Variants in HERC3 observed in about 807,000 individuals in gnomAD.
HERC3 encodes the protein HECT and RLD domain containing E3 ubiquitin protein ligase 3, also known as probable E3 ubiquitin-protein ligase HERC3.
A neutral mutation model predicts 129.9 loss-of-function variants in HERC3; 58 were observed. The observed-to-expected ratio is 0.45, with a 90% CI of 0.36 to 0.56. The LOEUF (loss-of-function observed/expected upper bound fraction) is 0.56, where lower values mean the gene tolerates loss of function less well. Among genes scored for constraint, HERC3 ranks in the 20% least tolerant of loss-of-function variants. The pLI is 0.00. For synonymous variants in HERC3, 430 were observed against 451.0 expected (o/e 0.95, Z 0.59); for missense variants, 835 against 1,244.2 (o/e 0.67, Z 4.95).
chr4:88,645,557 T>C (rs192364833), intron 3 of HERC3, among the ~76,000 whole-genome samples: 1 of 152,256 alleles, frequency 6.6e-6, no homozygotes, highest in East Asian at 1.9e-4. Flanking sequence ...CCCCACTAGA[T>C]ACCTGAAACC....
chr4:88,698,179 A>T (rs1734875605), intron 23 of HERC3, among the ~76,000 whole-genome samples: 2 of 152,138 alleles, frequency 1.3e-5, no homozygotes, highest in African/African-American at 4.8e-5. Context: ...GCCAGTGCAT[A>T]TGTCTTCGCT....
At chr4:88,590,255 G>A (rs1441240866), upstream of HERC3, among the ~76,000 whole-genome samples, 1 of 150,274 alleles carries the variant, frequency 6.7e-6, no homozygotes, top group East Asian at 2.0e-4. Context: ...GCAACTGAGC[G>A]AGACTCCTTC....
At chr4:88,615,583 GA>G (rs1197876161) in intron 3 of HERC3, among the ~76,000 whole-genome samples, 2 of 152,136 alleles carry the variant, frequency 1.3e-5, no homozygotes, top group Admixed American at 1.3e-4. Flanking sequence ...GCAGTATAAT[GA>G]ATAAGAGCAT....
chr4:88,669,269 CTATT>C, intron 14 of HERC3, among the ~76,000 whole-genome samples: 1 of 152,270 alleles, frequency 6.6e-6, no homozygotes, highest in South Asian at 2.1e-4. Context: ...CTCAGACATA[CTATT>C]TCATTCTTTA....
intron 3 of HERC3, among the ~76,000 whole-genome samples, chr4:88,612,998 A>T (rs1724519265): frequency 6.6e-6 from 1 of 152,010 alleles, no homozygotes; most frequent in Non-Finnish European, 1.5e-5. Context: ...TGTAAACAGT[A>T]CTCTTCAGCT....
intron 23 of HERC3, among the ~76,000 whole-genome samples, chr4:88,702,913 A>T (rs534637483): frequency 7.9e-5 from 12 of 152,358 alleles, no homozygotes; most frequent in African/African-American, 2.4e-4. Context: ...ATAAATAAAC[A>T]TGGAGCTGAG....
intron 10 of HERC3, among the ~76,000 whole-genome samples, chr4:88,661,416 A>G (rs1730477887): frequency 6.6e-6 from 1 of 152,236 alleles, no homozygotes; most frequent in Non-Finnish European, 1.5e-5. Context: ...ACTTGAAGCT[A>G]TGGGAAAGTA....
At chr4:88,550,003 T>G in the HERC3 span, among the ~76,000 whole-genome samples, 2 of 152,094 alleles carry the variant, frequency 1.3e-5, no homozygotes, top group African/African-American at 4.8e-5. Flanking sequence ...GAATCGAAAC[T>G]TTAGCAGGGA....
At chr4:88,587,767 A>G (rs898867649), upstream of HERC3, among the ~76,000 whole-genome samples, 5 of 152,172 alleles carry the variant, frequency 3.3e-5, no homozygotes, top group African/African-American at 9.7e-5. Context: ...CTTTGCCTCT[A>G]GAAGGGTGAG....
At chr4:88,592,970 C>T (rs1421643646) in intron 1 of HERC3, among the ~76,000 whole-genome samples, 1 of 152,172 alleles carries the variant, frequency 6.6e-6, no homozygotes, top group Admixed American at 6.5e-5. Context: ...TCCCTATGCT[C>T]GCCCCCTGCC....
intron 23 of HERC3, chr4:88,690,327 T>C (rs751359071): frequency 5.8e-5 from 57 of 985,230 alleles, no homozygotes; most frequent in Non-Finnish European, 6.5e-5. Flanking sequence ...TAAAGCAGAT[T>C]TGTTAGCCCA....
Position 88,704,251 on chromosome 4 carries a change from C to T in HERC3, c.2811C>T (p.Asn937=). The T allele has an allele frequency of 1.2e-6, 2 of 1,614,102 alleles. No homozygotes were observed. The highest frequency in any genetic ancestry group is 2.2e-5 in the East Asian group (1 of 44,864). The stretch of plus-strand genomic sequence containing the variant: ...AACTGAGGGCTATGATGGTGGGGAA[C>T]AGCAACTACAACTGGGAAGAACTGG... The part of the protein sequence containing the change: ...PSELRAMMVG[N]SNYNWEELEE... Residue 937 remains asparagine, a synonymous_variant, in exon 24 of 26, where the codon AAC becomes AAT. Transcript: ENST00000402738.
intron 3 of HERC3, among the ~76,000 whole-genome samples, chr4:88,641,437 A>T (rs951014811): frequency 6.6e-6 from 1 of 152,224 alleles, no homozygotes; most frequent in African/African-American, 2.4e-5. Context: ...AGATAAGTAC[A>T]AGGAAAGAAA....
In HERC3 at chr4:88,648,049, G is replaced by A. The variant is rs144455573; in HGVS notation, c.227-1791G>A. ...TTAACTATGGAAAGTATTTTTGTTT[G>A]GTTATTATGATTGCATGTACCATGA... On this transcript the variant is annotated intron_variant, in intron 3 of 25. Transcript: ENST00000402738. Among the ~76,000 whole-genome samples the A allele has an allele frequency of 2.6e-3, 396 of 151,848 alleles. 1 individual carries two copies. Among genetic ancestry groups the A allele is most frequent in the African/African-American group, 8.4e-3 (350 of 41,444 alleles).
At chr4:88,545,348 T>A in the HERC3 span, among the ~76,000 whole-genome samples, 1 of 151,930 alleles carries the variant, frequency 6.6e-6, no homozygotes, top group South Asian at 2.1e-4. Flanking sequence ...TAAAGGGAGC[T>A]ATCATACACT....
rs1446859568 is a variant in HERC3, at chr4:88,706,749, C to T, written c.2945-3C>T. On this transcript the variant is annotated splice_region_variant and splice_polypyrimidine_tract_variant and intron_variant, in intron 25 of 25. Coordinates refer to ENST00000402738, the MANE Select transcript of HERC3 (RefSeq NM_014606.3). Reference sequence around the variant, plus strand: ...TGCTAATGCCATTTCTCGTTCTCCCCAGTGTTCCTGACAGGCAGCGATCGG... The same window carrying T: ...TGCTAATGCCATTTCTCGTTCTCCCTAGTGTTCCTGACAGGCAGCGATCGG... 4 of 1,613,746 alleles carry T rather than the reference C, an allele frequency of 2.5e-6. No individual in the cohort carries two copies. The highest frequency in any genetic ancestry group is 3.4e-6 in the Non-Finnish European group (4 of 1,179,702).
intron 1 of HERC3, among the ~76,000 whole-genome samples, chr4:88,593,966 A>G (rs1428926903): frequency 6.6e-6 from 1 of 152,224 alleles, no homozygotes. Flanking sequence ...ATTGAATTAC[A>G]TATTTTACAT....
intron 3 of HERC3, among the ~76,000 whole-genome samples, chr4:88,648,792 A>G (rs1172891053): frequency 6.6e-6 from 1 of 151,804 alleles, no homozygotes; most frequent in Non-Finnish European, 1.5e-5. Flanking sequence ...ACCTCTTGGA[A>G]CAATCCTATA....
chr4:88,656,623 A>G (rs1356825401), intron 9 of HERC3: 4 of 152,668 alleles, frequency 2.6e-5, no homozygotes, highest in African/African-American at 9.6e-5. Flanking sequence ...GGATTACTGC[A>G]ATTCAACATG....
Sources: allele counts gnomAD v4.1 joint callset (sites outside exome capture counted in the v4.1 genomes callset), GRCh38; gene constraint gnomAD v4.1.1; transcripts MANE v1.5; gene names NCBI Gene and HGNC (gene_info 2026-07-23, HGNC 2026-07-21).